The following GRM7 variants were observed in gnomAD, a reference collection of about 807,000 sequenced individuals.
The protein encoded by GRM7 is glutamate metabotropic receptor 7, also known as metabotropic glutamate receptor 7.
Under a neutral mutation model 84.5 loss-of-function variants are expected in GRM7, and 35 were observed. The observed-to-expected ratio is 0.41, with a 90% confidence interval of 0.32 to 0.55. The LOEUF is 0.55. Ranked by LOEUF, GRM7 falls within the 20% of genes least tolerant of loss-of-function variation. The probability of loss-of-function intolerance (pLI) is 0.19; values close to 1 mark genes in which losing one functional copy is unlikely to be tolerated. For missense variants in GRM7, 1,003 were observed against 1,194.6 expected, an observed-to-expected ratio of 0.84 and a Z score of 2.36; for synonymous variants, 487 against 455.1, an observed-to-expected ratio of 1.07 and a Z score of -0.89.
At chr3:7,434,567 T>A (rs1369436848) in intron 5 of GRM7, among the ~76,000 whole-genome samples, 3 of 152,230 alleles carry the variant, frequency 2.0e-5, no homozygotes, top group African/African-American at 7.2e-5. Flanking sequence ...AATACTATTT[T>A]TATTTTTTAG....
At chr3:7,346,176 G>A (rs1049273044) in intron 4 of GRM7, among the ~76,000 whole-genome samples, 7 of 151,986 alleles carry the variant, frequency 4.6e-5, no homozygotes, top group African/African-American at 7.2e-5. Context: ...TTATTCATGG[G>A]CACTTGTCTA....
intron 4 of GRM7, among the ~76,000 whole-genome samples, chr3:7,377,541 A>G (rs1453830336): frequency 6.6e-6 from 1 of 152,184 alleles, no homozygotes; most frequent in Non-Finnish European, 1.5e-5. Flanking sequence ...GGAGAGAAAT[A>G]AGAAACTGAT....
intron 7 of GRM7, among the ~76,000 whole-genome samples, chr3:7,555,106 ATTC>A (rs879861788): frequency 8.5e-5 from 13 of 152,170 alleles, no homozygotes; most frequent in Non-Finnish European, 1.5e-4. Flanking sequence ...TCCATGTCTC[ATTC>A]TTCTCAGTTG....
chr3:7,229,757 A>ATTTTTTT (rs1302605868), intron 2 of GRM7, among the ~76,000 whole-genome samples: 3 of 26,874 alleles, frequency 1.1e-4, no homozygotes, highest in African/African-American at 4.3e-4. Flanking sequence ...ATATATATAT[A>ATTTTTTT]TATTTTTTTT....
intron 8 of GRM7, among the ~76,000 whole-genome samples, chr3:7,652,829 ATC>A (rs989943362): frequency 6.6e-6 from 1 of 152,230 alleles, no homozygotes; most frequent in Non-Finnish European, 1.5e-5. Flanking sequence ...TATGCATAAC[ATC>A]TAATTCTTTT....
At chr3:7,195,285 G>C (rs112422040) in intron 2 of GRM7, among the ~76,000 whole-genome samples, 38 of 152,276 alleles carry the variant, frequency 2.5e-4, no homozygotes, top group African/African-American at 8.7e-4. Context: ...CAGTAAGCCA[G>C]CAAGACTGCC....
intron 7 of GRM7, among the ~76,000 whole-genome samples, chr3:7,569,407 G>A (rs894589385): frequency 7.2e-5 from 11 of 152,066 alleles, no homozygotes; most frequent in African/African-American, 2.2e-4. Flanking sequence ...GTGGGGACAT[G>A]GAGAACCTTT....
chr3:7,280,075 G>A (rs1006659174), intron 2 of GRM7, among the ~76,000 whole-genome samples: 1 of 152,112 alleles, frequency 6.6e-6, no homozygotes, highest in African/African-American at 2.4e-5. Context: ...TATTTGCTTT[G>A]TTAAAATTAA....
At position 7,258,098 on chromosome 3, in the gene GRM7, A is replaced by T. The variant is rs766612629; in HGVS notation, c.737-40586A>T. Among the ~76,000 whole-genome samples the T allele has an allele frequency of 2.8e-4, 42 of 152,140 alleles. 1 individual carries two copies. Among genetic ancestry groups the T allele is most frequent in the Non-Finnish European group, 5.6e-4 (38 of 68,008 alleles). ...CTCAGGCCCAGAGAAGTACAGTAGCACCCAGTGACACAGCCTGATTTCAAA... is the reference window on the plus strand; with the variant it reads ...CTCAGGCCCAGAGAAGTACAGTAGCTCCCAGTGACACAGCCTGATTTCAAA... On this transcript the variant is annotated intron_variant, in intron 2 of 9. Coordinates refer to ENST00000357716, the MANE Select transcript of GRM7 (RefSeq NM_000844.4).
rs552533247 is a variant in GRM7, at chr3:7,227,400, G to A, written c.737-71284G>A. Among the ~76,000 whole-genome samples the A allele has an allele frequency of 2.6e-4, 40 of 152,278 alleles. No individual in the cohort carries two copies. The South Asian group carries it at 8.1e-3, about 31-fold the overall frequency. On this transcript the variant is annotated intron_variant, in intron 2 of 9. Transcript: ENST00000357716. ...TTGGGAATGTCTACCCTACCCCACTGTGTTTAACATTTTTATTCCAGTTTA... is the reference window on the plus strand; with the variant it reads ...TTGGGAATGTCTACCCTACCCCACTATGTTTAACATTTTTATTCCAGTTTA...
intron 7 of GRM7, among the ~76,000 whole-genome samples, chr3:7,475,658 G>C (rs926328430): frequency 5.3e-5 from 8 of 152,288 alleles, no homozygotes; most frequent in Non-Finnish European, 7.4e-5. Context: ...AACGAGAGGA[G>C]GCTTGAGCAG....
At chr3:7,141,455 G>A (rs1693941857) in intron 1 of GRM7, among the ~76,000 whole-genome samples, 1 of 151,958 alleles carries the variant, frequency 6.6e-6, no homozygotes, top group Admixed American at 6.6e-5. Context: ...GATAAAAGTA[G>A]ATAATTTCCC....
At chr3:7,000,482 C>T (rs1020911926) in intron 1 of GRM7, among the ~76,000 whole-genome samples, 10 of 152,062 alleles carry the variant, frequency 6.6e-5, no homozygotes, top group East Asian at 1.9e-4. Flanking sequence ...CCACCTCGCC[C>T]GGGCGAGCAT....
At chr3:7,218,154 T>A (rs890474402) in intron 2 of GRM7, among the ~76,000 whole-genome samples, 4 of 152,148 alleles carry the variant, frequency 2.6e-5, no homozygotes, top group African/African-American at 9.7e-5. Context: ...TTAGCTTCAA[T>A]TGTTAGAAGT....
intron 9 of GRM7, among the ~76,000 whole-genome samples, chr3:7,714,730 C>T (rs574866251): frequency 2.0e-5 from 3 of 152,204 alleles, no homozygotes; most frequent in Non-Finnish European, 4.4e-5. Flanking sequence ...GTAATTTCCT[C>T]TGTGGATAAA....
chr3:7,116,535 A>T (rs1693040151), intron 1 of GRM7, among the ~76,000 whole-genome samples: 1 of 152,138 alleles, frequency 6.6e-6, no homozygotes, highest in South Asian at 2.1e-4. Flanking sequence ...TTATGCCCTT[A>T]TTTAAAAAGT....
chr3:7,591,948 C>G (rs1695801241), intron 8 of GRM7, among the ~76,000 whole-genome samples: 1 of 152,088 alleles, frequency 6.6e-6, no homozygotes, highest in Non-Finnish European at 1.5e-5. Context: ...AGGATCAATT[C>G]TTTTACCCTG....
chr3:7,268,989 CAG>C (rs1320422377), intron 2 of GRM7, among the ~76,000 whole-genome samples: 2 of 152,054 alleles, frequency 1.3e-5, no homozygotes, highest in African/African-American at 4.8e-5. Flanking sequence ...CTCCATCAGA[CAG>C]AATGTGTTTG....
intron 1 of GRM7, among the ~76,000 whole-genome samples, chr3:6,949,434 C>G (rs1217481343): frequency 6.6e-6 from 1 of 152,142 alleles, no homozygotes. Context: ...TGCTGTTAGT[C>G]TGATGGGCTT....
Sources: gnomAD v4.1 joint callset for allele counts (sites outside exome capture counted in the v4.1 genomes callset) on GRCh38, gnomAD v4.1.1 for gene constraint, MANE v1.5 for transcripts, NCBI Gene and HGNC (gene_info 2026-07-23, HGNC 2026-07-21) for gene names.